RABL6: variants seen among roughly 807,000 people sequenced by gnomAD.
RABL6 encodes rab-like protein 6.
In RABL6, 28 loss-of-function variants were observed where a neutral mutation model predicts 72.9. The observed-to-expected ratio is 0.38, with a 90% CI of 0.28 to 0.53. The LOEUF (loss-of-function observed/expected upper bound fraction) is 0.53, where lower values mean the gene tolerates loss of function less well. Among genes scored for constraint, RABL6 ranks in the 20% least tolerant of loss-of-function variants. The probability of loss-of-function intolerance (pLI) is 0.80; values close to 1 mark genes in which losing one functional copy is unlikely to be tolerated. For missense variants in RABL6, 1,029 were observed against 1,008.4 expected, an observed-to-expected ratio of 1.02 and a Z score of -0.28; for synonymous variants, 477 against 421.2, an observed-to-expected ratio of 1.13 and a Z score of -1.62.
In RABL6 at chr9:136,839,405, A is replaced by G; in HGVS notation, c.1677A>G (p.Gly559=). The G allele has an allele frequency of 6.2e-7, 1 of 1,612,460 alleles. No individual in the cohort carries two copies. The highest frequency in any genetic ancestry group is 8.5e-7 in the Non-Finnish European group (1 of 1,179,688). ...QASSSESDPE[G]PIAAQMLSFV... ...CCTCGTCGGAGAGTGACCCCGAGGG[A>G]CCCATTGCTGCACAAATGCTGTCCT... The change falls in exon 12 of 15, where the codon GGA becomes GGG. Residue 559 remains glycine, a synonymous_variant. Coordinates refer to ENST00000311502, the MANE Select transcript of RABL6 (RefSeq NM_024718.5).
intron 10 of RABL6, 138 bp from the exon 11 acceptor site, chr9:136,838,771 C>G: frequency 1.3e-6 from 1 of 762,072 alleles, no homozygotes. Flanking sequence ...GGGGGCCTCT[C>G]CACAACACAG....
At chr9:136,821,524 G>A (rs938167671) in intron 1 of RABL6, 2 of 985,260 alleles carry the variant, frequency 2.0e-6, no homozygotes, top group Non-Finnish European at 2.4e-6. Flanking sequence ...TGCGCGGCCC[G>A]GGCAGTCTCT....
At chr9:136,811,463 T>C (rs1848010264) in intron 1 of RABL6, among the ~76,000 whole-genome samples, 3 of 151,760 alleles carry the variant, frequency 2.0e-5, no homozygotes, top group South Asian at 4.2e-4. Context: ...ACTAAAACTA[T>C]AAAAATTAAC....
chr9:136,840,354 A>G lies in RABL6; in HGVS notation c.2022A>G (p.Lys674=). 1 of 1,562,076 alleles carries G rather than the reference A, an allele frequency of 6.4e-7. No individual in the cohort carries two copies. The highest frequency in any genetic ancestry group is 8.7e-7 in the Non-Finnish European group (1 of 1,153,690). Residue 674 remains lysine, a synonymous_variant, in exon 15 of 15, where the codon AAA becomes AAG. Coordinates refer to ENST00000311502, the MANE Select transcript of RABL6 (RefSeq NM_024718.5). ...EEEKAAKKKS[K]HKKSKDKEEG... ...AAAAAGCTGCCAAGAAGAAGAGCAA[A>G]CACAAGAAGAGCAAGGACAAGGAGG...
At chr9:136,809,465 T>C in intron 1 of RABL6, 1 of 317,956 alleles carries the variant, frequency 3.1e-6, no homozygotes. Flanking sequence ...AAGATAAGTC[T>C]GAGCATCTAG....
intron 1 of RABL6, chr9:136,813,021 A>T: frequency 2.7e-6 from 1 of 366,182 alleles, no homozygotes; most frequent in East Asian, 7.3e-5. Flanking sequence ...CATCCTCCTC[A>T]CTGTTGCCAT....
chr9:136,810,926 G>A (rs921535244), intron 1 of RABL6, among the ~76,000 whole-genome samples: 3 of 152,244 alleles, frequency 2.0e-5, no homozygotes, highest in Admixed American at 2.0e-4. Flanking sequence ...TTGGGGGTGA[G>A]AGTTTCTGGG....
intron 1 of RABL6, chr9:136,814,058 C>A: frequency 2.6e-6 from 1 of 384,868 alleles, no homozygotes; most frequent in South Asian, 2.3e-5. Flanking sequence ...TCTTTCAAAC[C>A]AGCGAGTTCC....
intron 1 of RABL6, chr9:136,812,756 G>A: frequency 3.1e-6 from 1 of 321,962 alleles, no homozygotes; most frequent in Non-Finnish European, 6.1e-6. Context: ...TTTCAAATGG[G>A]AGAGGGAAAG....
At chr9:136,834,628 G>A (rs1453559860) in intron 7 of RABL6, among the ~76,000 whole-genome samples, 2 of 152,106 alleles carry the variant, frequency 1.3e-5, no homozygotes, top group East Asian at 1.9e-4. Context: ...ACAGGCGCCT[G>A]CCACCACGCC....
intron 1 of RABL6, among the ~76,000 whole-genome samples, chr9:136,816,718 A>G (rs971831825): frequency 1.5e-5 from 2 of 137,846 alleles, no homozygotes; most frequent in Non-Finnish European, 3.2e-5. Context: ...CTCTGTCTCA[A>G]AAAAAAGGGG....
intron 5 of RABL6, 134 bp from the exon 6 acceptor site, chr9:136,831,587 C>T: frequency 1.5e-6 from 2 of 1,299,246 alleles, no homozygotes; most frequent in Non-Finnish European, 2.1e-6. Context: ...ATGCACGAGG[C>T]ATGCTTCTGC....
intron 2 of RABL6, among the ~76,000 whole-genome samples, chr9:136,824,080 G>A (rs1848300154): frequency 3.3e-5 from 5 of 152,152 alleles, no homozygotes; most frequent in Admixed American, 3.3e-4. Flanking sequence ...CTTGTGGAAA[G>A]TTCGTGTCAC....
At position 136,837,364 on chromosome 9, in the gene RABL6, G is replaced by T; in HGVS notation, c.828G>T (p.Glu276Asp). 1 of 1,604,226 alleles carries T rather than the reference G, an allele frequency of 6.2e-7. No homozygotes were observed. Residue 276 changes from glutamate (E) to aspartate (D), a missense_variant, in exon 9 of 15, where the codon GAG (glutamate) becomes GAT (aspartate). Glu to Asp is a conservative substitution (Grantham distance 45). Coordinates refer to ENST00000311502, the MANE Select transcript of RABL6 (RefSeq NM_024718.5). ...CTTTCAGCTTCCTGGAGATGATGGA[G>T]GCTCGCAGCCGTGGCCATGCGTCCC... ...QNYGIFLEMM[E>D]ARSRGHASPL...
At position 136,808,271 on chromosome 9, in the gene RABL6, G is replaced by A; in HGVS notation, c.75G>A (p.Leu25=). 1 of 1,565,426 alleles carries A rather than the reference G, an allele frequency of 6.4e-7. No homozygotes were observed. The highest frequency in any genetic ancestry group is 2.6e-5 in the East Asian group (1 of 39,038). The change falls in exon 1 of 15, where the codon CTG becomes CTA. Residue 25 remains leucine, a synonymous_variant. Coordinates refer to ENST00000311502, the MANE Select transcript of RABL6 (RefSeq NM_024718.5). ...GGGACAAGAACATCCCCGCCGGGCT[G>A]CAGTCCATGAACCAGGCGTTGCAGA... ...PGRDKNIPAG[L]QSMNQALQRR... is the part of the protein sequence containing the mutation.
In RABL6 at chr9:136,833,546, C is replaced by A. The variant is rs183503797; in HGVS notation, c.705+1176C>A. The A allele has an allele frequency of 1.5e-5, 13 of 866,276 alleles. No homozygotes were observed. In the East Asian group the frequency reaches 3.6e-4, roughly 24 times the overall value. The allele number at this position is 866,276 out of a possible 1,614,324, so 53.7% of individuals were successfully genotyped here. On this transcript the variant is annotated intron_variant, in intron 7 of 14. Coordinates refer to ENST00000311502, the MANE Select transcript of RABL6 (RefSeq NM_024718.5). ...GCTGCCCCGACTGGGTCTGGGGGAC[C>A]TGAATCTCCTCACCCTGGGCTGCCC...
In RABL6 at chr9:136,829,455, G is replaced by A. The variant is rs752619444; in HGVS notation, c.429G>A (p.Val143=). Residue 143 remains valine (V), a synonymous_variant, in exon 5 of 15, where the codon GTG becomes GTA. Coordinates refer to ENST00000311502, the MANE Select transcript of RABL6 (RefSeq NM_024718.5). ...ACGTGTACAAGAACTGCAACGGGGT[G>A]GTCATGATGTTCGACATTACCAAGC... ...FLDVYKNCNG[V]VMMFDITKQW... 30 of 1,587,494 alleles carry A rather than the reference G, an allele frequency of 1.9e-5. No individual in the cohort carries two copies. Among genetic ancestry groups the A allele is most frequent in the Non-Finnish European group, 2.5e-5 (29 of 1,167,390 alleles).
intron 10 of RABL6, among the ~76,000 whole-genome samples, 199 bp downstream of exon 10, chr9:136,838,214 G>A (rs1329945820): frequency 6.6e-6 from 1 of 152,222 alleles, no homozygotes; most frequent in Non-Finnish European, 1.5e-5. Flanking sequence ...AGAAAGGCCT[G>A]GCCACCTGCT....
chr9:136,817,079 AAG>A (rs1848134591), intron 1 of RABL6, among the ~76,000 whole-genome samples: 1 of 152,238 alleles, frequency 6.6e-6, no homozygotes, highest in Non-Finnish European at 1.5e-5. Flanking sequence ...ATGTTTGAAA[AAG>A]AAACAGAATG....
Sources: allele counts gnomAD v4.1 joint callset (sites outside exome capture counted in the v4.1 genomes callset), GRCh38; gene constraint gnomAD v4.1.1; transcripts MANE v1.5; gene names NCBI Gene and HGNC (gene_info 2026-07-23, HGNC 2026-07-21).